HPSE2: variants seen among roughly 807,000 people sequenced by gnomAD.
The protein encoded by HPSE2 is heparanase 2 (inactive).
In HPSE2, 38 loss-of-function variants were observed where a neutral mutation model predicts 60.5. The ratio of observed to expected loss-of-function variants is 0.63; its 90% CI spans 0.48 to 0.82. The LOEUF (loss-of-function observed/expected upper bound fraction) is 0.82. Ranked by LOEUF, HPSE2 falls within the 40% of genes least tolerant of loss-of-function variation. HPSE2 has a pLI of 0.00. For synonymous variants in HPSE2, 295 were observed against 293.2 expected, an observed-to-expected ratio of 1.01 and a Z score of -0.06; for missense variants, 713 against 740.4, an observed-to-expected ratio of 0.96 and a Z score of 0.43.
chr10:99,129,006 T>C (rs1387173864), intron 3 of HPSE2, among the ~76,000 whole-genome samples: 2 of 152,110 alleles, frequency 1.3e-5, no homozygotes, highest in Non-Finnish European at 2.9e-5. Flanking sequence ...GCTACTCTTA[T>C]ATCGGAAAAA....
intron 3 of HPSE2, among the ~76,000 whole-genome samples, chr10:99,135,647 A>G (rs914415628): frequency 5.9e-5 from 9 of 152,222 alleles, no homozygotes; most frequent in African/African-American, 1.9e-4. Context: ...ATTCTTTGAA[A>G]CCAATGAGAA....
In HPSE2 at chr10:99,171,222, C is replaced by T. The variant is rs867664388; in HGVS notation, c.449-26823G>A. Among the ~76,000 whole-genome samples, 78 of 152,292 alleles carry T rather than the reference C, an allele frequency of 5.1e-4. No homozygotes were observed. In the Middle Eastern group the frequency reaches 0.01, roughly 20 times the overall value. On this transcript the variant is annotated intron_variant, in intron 2 of 11. Coordinates refer to ENST00000370552, the MANE Select transcript of HPSE2 (RefSeq NM_021828.5). The stretch of plus-strand genomic sequence containing the variant: ...CTACATAACTAGCCTAGGCCAAAAC[C>T]AAGACATGTGCTAATTCACTCAGTG...
intron 2 of HPSE2, among the ~76,000 whole-genome samples, chr10:99,159,368 G>C (rs1215970262): frequency 6.6e-6 from 1 of 152,146 alleles, no homozygotes; most frequent in Non-Finnish European, 1.5e-5. Flanking sequence ...ATACAGAACA[G>C]ATTATAAAGA....
intron 3 of HPSE2, among the ~76,000 whole-genome samples, chr10:98,963,220 T>C (rs1221624484): frequency 6.6e-6 from 1 of 152,184 alleles, no homozygotes; most frequent in African/African-American, 2.4e-5. Context: ...AAAAAAGACA[T>C]ATTATAACTC....
At chr10:98,866,024 T>A (rs1424383022) in intron 3 of HPSE2, among the ~76,000 whole-genome samples, 4 of 152,126 alleles carry the variant, frequency 2.6e-5, no homozygotes, top group Non-Finnish European at 5.9e-5. Context: ...AATGAAGGAT[T>A]ACTTAGTATG....
chr10:98,633,681 A>G (rs1589542032), intron 7 of HPSE2, among the ~76,000 whole-genome samples: 1 of 152,188 alleles, frequency 6.6e-6, no homozygotes, highest in African/African-American at 2.4e-5. Context: ...GCAGGCTATT[A>G]GCAGTTAAGT....
rs944518221 is a variant in HPSE2, at chr10:99,137,147, A to T, written c.610+7091T>A. 2.0e-5 allele frequency among the ~76,000 whole-genome samples: 3 copies of T among 152,140 alleles called. No homozygotes were observed. The East Asian group carries it at 5.8e-4, about 29-fold the overall frequency. On this transcript the variant is annotated intron_variant, in intron 3 of 11. Coordinates refer to ENST00000370552, the MANE Select transcript of HPSE2 (RefSeq NM_021828.5). ...GAATGAACTCCCATTCACAATTGCT[A>T]CTAAGAGAATAAAATACCTAGGAGT...
chr10:98,847,808 T>C (rs983890809), intron 3 of HPSE2, among the ~76,000 whole-genome samples: 2 of 152,162 alleles, frequency 1.3e-5, no homozygotes, highest in South Asian at 4.1e-4. Flanking sequence ...GTCAATGAAA[T>C]TTCCCTAAAT....
chr10:99,075,730 T>C (rs1430808705), intron 3 of HPSE2, among the ~76,000 whole-genome samples: 1 of 152,162 alleles, frequency 6.6e-6, no homozygotes, highest in Non-Finnish European at 1.5e-5. Context: ...TATATATTTA[T>C]AATTCTTATA....
intron 9 of HPSE2, among the ~76,000 whole-genome samples, chr10:98,502,605 C>T (rs1942063499): frequency 6.6e-6 from 1 of 152,126 alleles, no homozygotes; most frequent in African/African-American, 2.4e-5. Flanking sequence ...TTCTAGAAGA[C>T]AACATTGGAA....
At chr10:98,795,831 C>T (rs1950767631) in intron 3 of HPSE2, among the ~76,000 whole-genome samples, 1 of 152,110 alleles carries the variant, frequency 6.6e-6, no homozygotes, top group Non-Finnish European at 1.5e-5. Flanking sequence ...TCTTGGATAC[C>T]AGCTCAGTCA....
At chr10:98,905,846 A>G (rs1440452439) in intron 3 of HPSE2, among the ~76,000 whole-genome samples, 4 of 152,186 alleles carry the variant, frequency 2.6e-5, no homozygotes, top group Non-Finnish European at 5.9e-5. Flanking sequence ...CACTAGAGAC[A>G]ATGGAACACA....
chr10:99,275,894 T>C, the HPSE2 span, among the ~76,000 whole-genome samples: 1 of 152,026 alleles, frequency 6.6e-6, no homozygotes, highest in South Asian at 2.1e-4. Flanking sequence ...GATTATTACA[T>C]GAAGGGGTGG....
At chr10:99,013,390 A>G (rs1957062207) in intron 3 of HPSE2, 2 of 555,882 alleles carry the variant, frequency 3.6e-6, no homozygotes, top group African/African-American at 3.8e-5. Flanking sequence ...ACTCTGTGTT[A>G]GTATAGTAAG....
intron 3 of HPSE2, among the ~76,000 whole-genome samples, chr10:98,886,661 C>G (rs935966218): frequency 3.9e-5 from 6 of 151,988 alleles, no homozygotes; most frequent in African/African-American, 1.4e-4. Context: ...AAGTTCCTAC[C>G]GTGTTAAAGG....
intron 2 of HPSE2, among the ~76,000 whole-genome samples, chr10:99,199,330 G>T (rs78209068): frequency 0.02 from 3,010 of 152,114 alleles, 51 homozygotes; most frequent in Non-Finnish European, 0.03. Context: ...CTCACCAACA[G>T]CTATCATTTT....
chr10:99,056,438 C>A (rs930398844), intron 3 of HPSE2, among the ~76,000 whole-genome samples: 1 of 152,086 alleles, frequency 6.6e-6, no homozygotes, highest in African/African-American at 2.4e-5. Context: ...AATGCTTTCA[C>A]CTCATTTTAT....
At chr10:99,103,566 A>G (rs1844106572) in intron 3 of HPSE2, among the ~76,000 whole-genome samples, 1 of 152,204 alleles carries the variant, frequency 6.6e-6, no homozygotes, top group Non-Finnish European at 1.5e-5. Context: ...GCCCAAGGTC[A>G]TTTATAGATT....
chr10:99,000,423 C>T (rs2135371071), intron 3 of HPSE2, among the ~76,000 whole-genome samples: 1 of 152,206 alleles, frequency 6.6e-6, no homozygotes, highest in South Asian at 2.1e-4. Flanking sequence ...ATCATCTTTA[C>T]AGTGGTGGAA....
Sources: allele counts gnomAD v4.1 joint callset (sites outside exome capture counted in the v4.1 genomes callset), GRCh38; gene constraint gnomAD v4.1.1; transcripts MANE v1.5; gene names NCBI Gene and HGNC (gene_info 2026-07-23, HGNC 2026-07-21).